Variants in RAB38 observed in about 807,000 individuals in gnomAD.
The protein encoded by RAB38 is RAB38, member RAS oncogene family, also known as ras-related protein Rab-38.
A neutral mutation model predicts 18.4 loss-of-function variants in RAB38; 15 were observed. The observed-to-expected ratio is 0.82, with a 90% confidence interval of 0.55 to 1.26. RAB38 has a LOEUF of 1.26. Among genes scored for constraint, RAB38 ranks in the 50% most tolerant of loss-of-function variants. The pLI, the probability that RAB38 is intolerant of heterozygous loss-of-function variation, is 0.00. For synonymous variants in RAB38, 101 were observed against 104.4 expected (o/e 0.97, Z 0.20); for missense variants, 294 against 267.4 (o/e 1.10, Z -0.69).
At chr11:88,108,193 T>C in the RAB38 span, among the ~76,000 whole-genome samples, 9 of 152,084 alleles carry the variant, frequency 5.9e-5, no homozygotes, top group Admixed American at 5.2e-4. Context: ...TTCTGTCTCA[T>C]TGATCTGTCT....
chr11:88,003,832 TAATATATATTTA>T, the RAB38 span, among the ~76,000 whole-genome samples: 4 of 7,438 alleles, frequency 5.4e-4, no homozygotes, highest in African/African-American at 3.8e-3. Context: ...ATAGATTGTA[TAATATATATTTA>T]TATATATAAT....
chr11:88,045,119 A>G, the RAB38 span, among the ~76,000 whole-genome samples: 1 of 152,118 alleles, frequency 6.6e-6, no homozygotes, highest in Non-Finnish European at 1.5e-5. Flanking sequence ...CTCGTTTGGC[A>G]GCAACCCTGA....
the RAB38 span, among the ~76,000 whole-genome samples, chr11:87,885,645 G>A: frequency 6.6e-6 from 1 of 151,944 alleles, no homozygotes; most frequent in Non-Finnish European, 1.5e-5. Flanking sequence ...CCTTGATATT[G>A]GCTGATGTGA....
At chr11:88,069,000 G>T in the RAB38 span, among the ~76,000 whole-genome samples, 1 of 152,178 alleles carries the variant, frequency 6.6e-6, no homozygotes, top group Admixed American at 6.5e-5. Flanking sequence ...CCCCTCTCTG[G>T]GTGGGCCAAG....
At chr11:88,043,788 T>A in the RAB38 span, among the ~76,000 whole-genome samples, 1 of 152,190 alleles carries the variant, frequency 6.6e-6, no homozygotes. Context: ...TCTCTTCACA[T>A]GGACACAAGT....
chr11:88,061,395 G>C, the RAB38 span, among the ~76,000 whole-genome samples: 1 of 152,168 alleles, frequency 6.6e-6, no homozygotes, highest in Non-Finnish European at 1.5e-5. Flanking sequence ...TTTCAGTGCT[G>C]AGCAAAATGA....
chr11:88,052,935 T>TATATATATA, the RAB38 span, among the ~76,000 whole-genome samples: 3 of 85,790 alleles, frequency 3.5e-5, no homozygotes, highest in African/African-American at 1.6e-4. Flanking sequence ...TATATATATA[T>TATATATATA]ATATATATAA....
chr11:88,022,631 A>AAAAAAAAAAAAAAAG, the RAB38 span, among the ~76,000 whole-genome samples: 1 of 150,986 alleles, frequency 6.6e-6, no homozygotes, highest in Non-Finnish European at 1.5e-5. Flanking sequence ...AAAAAAAAAA[A>AAAAAAAAAAAAAAAG]ACAACTATTA....
At chr11:88,034,026 A>C in the RAB38 span, among the ~76,000 whole-genome samples, 25 of 152,132 alleles carry the variant, frequency 1.6e-4, no homozygotes, top group Non-Finnish European at 3.5e-4. Flanking sequence ...CGCGCCCTGC[A>C]GTTGTGTTGC....
At chr11:88,129,820 G>T (rs1329388793) in intron 2 of RAB38, among the ~76,000 whole-genome samples, 1 of 152,078 alleles carries the variant, frequency 6.6e-6, no homozygotes, top group Admixed American at 6.5e-5. Flanking sequence ...ACAGTTAAAT[G>T]AATTAGTGGT....
the RAB38 span, among the ~76,000 whole-genome samples, chr11:87,864,941 A>T: frequency 3.3e-5 from 5 of 151,844 alleles, no homozygotes; most frequent in African/African-American, 9.7e-5. Flanking sequence ...TTGAAAGGTT[A>T]GATTTTCTAC....
the RAB38 span, among the ~76,000 whole-genome samples, chr11:88,093,914 T>G: frequency 2.6e-5 from 4 of 152,002 alleles, no homozygotes; most frequent in East Asian, 7.8e-4. Flanking sequence ...GATATACTTA[T>G]CTTCGAAAGG....
At chr11:88,078,231 C>T in the RAB38 span, among the ~76,000 whole-genome samples, 1 of 151,960 alleles carries the variant, frequency 6.6e-6, no homozygotes, top group Non-Finnish European at 1.5e-5. Flanking sequence ...TAAATTAGTA[C>T]AGCAACTAAC....
At chr11:88,131,202 G>T (rs1225123441) in intron 2 of RAB38, among the ~76,000 whole-genome samples, 1 of 152,102 alleles carries the variant, frequency 6.6e-6, no homozygotes, top group African/African-American at 2.4e-5. Flanking sequence ...TTTACAAATA[G>T]TTCACCATAG....
chr11:88,068,572 C>T, the RAB38 span, among the ~76,000 whole-genome samples: 3 of 152,160 alleles, frequency 2.0e-5, no homozygotes, highest in Middle Eastern at 6.8e-3. Context: ...AAACCAAATA[C>T]CATGGCACTT....
chr11:88,091,632 G>A, the RAB38 span, among the ~76,000 whole-genome samples: 1 of 151,900 alleles, frequency 6.6e-6, no homozygotes, highest in Non-Finnish European at 1.5e-5. Flanking sequence ...CCATTTTGCT[G>A]TCTCACTACC....
chr11:88,096,781 T>A, the RAB38 span, among the ~76,000 whole-genome samples: 3 of 151,676 alleles, frequency 2.0e-5, no homozygotes, highest in African/African-American at 7.3e-5. Flanking sequence ...AATGCATATA[T>A]AATTTCACAC....
the RAB38 span, among the ~76,000 whole-genome samples, chr11:87,928,165 G>A: frequency 2.6e-5 from 4 of 151,990 alleles, no homozygotes; most frequent in South Asian, 2.1e-4. Context: ...GGCTAAATGA[G>A]TCAGTACATG....
At chr11:87,956,006 T>TA in the RAB38 span, among the ~76,000 whole-genome samples, 2 of 152,052 alleles carry the variant, frequency 1.3e-5, no homozygotes, top group Non-Finnish European at 2.9e-5. Flanking sequence ...TTAGCAGACA[T>TA]AAAAAACTAA....
Sources: gnomAD v4.1 joint callset for allele counts (sites outside exome capture counted in the v4.1 genomes callset) on GRCh38, gnomAD v4.1.1 for gene constraint, MANE v1.5 for transcripts, NCBI Gene and HGNC (gene_info 2026-07-23, HGNC 2026-07-21) for gene names.